Variants in C1QTNF3 observed in about 807,000 individuals in gnomAD.
C1QTNF3 encodes the protein complement C1q tumor necrosis factor-related protein 3.
C1QTNF3 carries 26 observed loss-of-function variants against 32.6 expected under a neutral mutation model. That is an observed-to-expected ratio of 0.80 (90% CI 0.58 to 1.11). The LOEUF (loss-of-function observed/expected upper bound fraction) is 1.11, where lower values mean the gene tolerates loss of function less well. Among genes scored for constraint, C1QTNF3 ranks in the 50% least tolerant of loss-of-function variants. C1QTNF3 has a pLI of 0.00. For missense variants in C1QTNF3, 362 were observed against 398.2 expected (o/e 0.91, Z 0.77); for synonymous variants, 155 against 146.0 (o/e 1.06, Z -0.44).
At chr5:34,221,666 G>A in the C1QTNF3 span, among the ~76,000 whole-genome samples, 4 of 152,086 alleles carry the variant, frequency 2.6e-5, no homozygotes, top group African/African-American at 9.7e-5. Flanking sequence ...TGGGCTGAAA[G>A]ACCTATTTCA....
At chr5:34,040,923 G>A (rs1028236046) in intron 1 of C1QTNF3, among the ~76,000 whole-genome samples, 4 of 151,798 alleles carry the variant, frequency 2.6e-5, no homozygotes, top group African/African-American at 7.3e-5. Flanking sequence ...TGCCTTTCAT[G>A]TACTGACTTT....
At chr5:34,217,513 A>C in the C1QTNF3 span, among the ~76,000 whole-genome samples, 1 of 152,010 alleles carries the variant, frequency 6.6e-6, no homozygotes, top group Admixed American at 6.6e-5. Flanking sequence ...CCATGTCTGT[A>C]CTCCAGGACA....
the C1QTNF3 span, among the ~76,000 whole-genome samples, chr5:34,102,979 A>T: frequency 6.6e-6 from 1 of 152,194 alleles, no homozygotes; most frequent in African/African-American, 2.4e-5. Flanking sequence ...TTAAAGTATA[A>T]TTAAAAAAAT....
chr5:34,222,096 C>A, the C1QTNF3 span, among the ~76,000 whole-genome samples: 2 of 151,724 alleles, frequency 1.3e-5, no homozygotes, highest in African/African-American at 4.8e-5. Context: ...TATCTTTTGG[C>A]AATGTTGATT....
the C1QTNF3 span, among the ~76,000 whole-genome samples, chr5:34,051,858 C>T: frequency 6.6e-6 from 1 of 152,256 alleles, no homozygotes; most frequent in African/African-American, 2.4e-5. Context: ...GATCATCCTA[C>T]TCTTCCTCTC....
chr5:34,203,100 T>C, the C1QTNF3 span, among the ~76,000 whole-genome samples: 1 of 152,090 alleles, frequency 6.6e-6, no homozygotes, highest in African/African-American at 2.4e-5. Flanking sequence ...AACACAAAAA[T>C]GAAAGGTCAA....
the C1QTNF3 span, among the ~76,000 whole-genome samples, chr5:34,116,124 C>A: frequency 1.3e-5 from 2 of 152,006 alleles, no homozygotes; most frequent in African/African-American, 4.8e-5. Flanking sequence ...TTTCTTCGAC[C>A]CACTGCTTAT....
chr5:34,094,665 T>C, the C1QTNF3 span, among the ~76,000 whole-genome samples: 4 of 151,950 alleles, frequency 2.6e-5, no homozygotes, highest in Non-Finnish European at 5.9e-5. Flanking sequence ...TAGTACAGTA[T>C]ACATTTCTTT....
chr5:34,040,289 A>C lies in C1QTNF3; in HGVS notation c.303+2534T>G, dbSNP rs149627329. On this transcript the variant is annotated intron_variant, in intron 1 of 5. Coordinates refer to ENST00000382065, the MANE Select transcript of C1QTNF3 (RefSeq NM_181435.6). ...GTTTGTCTCTAAGAAATGCTCCATC[A>C]ATTTTGCAGATGGAGGCCTAGGGGT... Among the ~76,000 whole-genome samples, 4 of 152,246 alleles carry C rather than the reference A, an allele frequency of 2.6e-5. No homozygotes were observed. The East Asian group carries it at 7.7e-4, about 29-fold the overall frequency.
At chr5:34,127,340 A>G in the C1QTNF3 span, among the ~76,000 whole-genome samples, 1 of 152,088 alleles carries the variant, frequency 6.6e-6, no homozygotes, top group Admixed American at 6.6e-5. Flanking sequence ...TTTGATCAAA[A>G]TGTCGATAGT....
At chr5:34,040,924 T>C (rs2112123801) in intron 1 of C1QTNF3, among the ~76,000 whole-genome samples, 1 of 152,326 alleles carries the variant, frequency 6.6e-6, no homozygotes, top group African/African-American at 2.4e-5. Context: ...GCCTTTCATG[T>C]ACTGACTTTA....
At chr5:34,036,818 G>C (rs899872752) in intron 1 of C1QTNF3, among the ~76,000 whole-genome samples, 1 of 152,222 alleles carries the variant, frequency 6.6e-6, no homozygotes, top group Admixed American at 6.5e-5. Context: ...CAGGCATGCT[G>C]GTGCATGCCT....
chr5:34,112,012 T>C, the C1QTNF3 span, among the ~76,000 whole-genome samples: 4 of 152,190 alleles, frequency 2.6e-5, no homozygotes, highest in East Asian at 5.8e-4. Flanking sequence ...CTGTTACTTG[T>C]GTAAATGTAA....
At position 34,028,761 on chromosome 5, in the gene C1QTNF3, TG is replaced by T; in HGVS notation, c.692del (p.Pro231GlnfsTer12). 6.2e-7 allele frequency: 1 copy of T among 1,607,080 alleles called. No homozygotes were observed. Among genetic ancestry groups the T allele is most frequent in the Non-Finnish European group, 8.5e-7 (1 of 1,176,360 alleles). On this transcript the variant is annotated frameshift_variant, in exon 4 of 6. Coordinates refer to ENST00000382065, the MANE Select transcript of C1QTNF3 (RefSeq NM_181435.6). LOFTEE classifies it high-confidence loss of function. The stretch of plus-strand genomic sequence containing the variant: ...CCTATGTTTCCATCTCACCTGATAC[TG>T]GGGCCCCAAATCTACCAGTCATGAC... ...FDVMTGRFGA[P>X]VSGVYFFTFS... is the part of the protein sequence containing the mutation.
At chr5:34,132,744 A>C in the C1QTNF3 span, among the ~76,000 whole-genome samples, 1 of 152,128 alleles carries the variant, frequency 6.6e-6, no homozygotes, top group African/African-American at 2.4e-5. Context: ...AGGTTTGAAG[A>C]AGCAAAATTA....
chr5:34,036,836 C>T (rs1218432166), intron 1 of C1QTNF3, among the ~76,000 whole-genome samples: 2 of 152,096 alleles, frequency 1.3e-5, no homozygotes, highest in Non-Finnish European at 2.9e-5. Context: ...CCTGTAATCC[C>T]AGCTACTTGG....
chr5:34,029,714 T>C lies in C1QTNF3; in HGVS notation c.571-831A>G, dbSNP rs141192960. 8.7e-3 allele frequency among the ~76,000 whole-genome samples: 1,324 copies of C among 152,338 alleles called. 17 individuals are homozygous for C. The highest frequency in any genetic ancestry group is 0.031 in the African/African-American group (1,285 of 41,582). ...TTGGTAGAAGTTTCATGGGAAAGTT[T>C]TCCTTTCTTCATTACACTTATAATT... is the stretch of plus-strand genomic sequence containing the variant. On this transcript the variant is annotated intron_variant, in intron 3 of 5. Coordinates refer to ENST00000382065, the MANE Select transcript of C1QTNF3 (RefSeq NM_181435.6).
chr5:34,118,711 T>TTC, the C1QTNF3 span, among the ~76,000 whole-genome samples: 1 of 152,040 alleles, frequency 6.6e-6, no homozygotes, highest in Non-Finnish European at 1.5e-5. Flanking sequence ...TTTCAAGATT[T>TTC]TCTCTCTCTC....
At chr5:34,039,386 C>A (rs1259854800) in intron 1 of C1QTNF3, among the ~76,000 whole-genome samples, 1 of 152,194 alleles carries the variant, frequency 6.6e-6, no homozygotes, top group East Asian at 1.9e-4. Context: ...TTTTAATAAA[C>A]TTTCATTCCT....
Sources: gnomAD v4.1 joint callset for allele counts (sites outside exome capture counted in the v4.1 genomes callset) on GRCh38, gnomAD v4.1.1 for gene constraint, MANE v1.5 for transcripts, NCBI Gene and HGNC (gene_info 2026-07-23, HGNC 2026-07-21) for gene names.